STRN: variants seen among roughly 807,000 people sequenced by gnomAD.
STRN encodes striatin, also known as protein phosphatase 2 regulatory subunit B'''alpha.
Under a neutral mutation model 96.3 loss-of-function variants are expected in STRN, and 53 were observed. That is an observed-to-expected ratio of 0.55 (90% CI 0.44 to 0.69). The LOEUF (loss-of-function observed/expected upper bound fraction) is 0.69. STRN is among the 30% of genes least tolerant of loss of function. STRN has a pLI of 0.00. For missense variants in STRN, 987 were observed against 963.9 expected (o/e 1.02, Z -0.32); for synonymous variants, 428 against 355.9 (o/e 1.20, Z -2.28).
At chr2:36,855,084 C>G (rs1668310335) in intron 15 of STRN, 128 bp downstream of exon 15, 2 of 963,030 alleles carry the variant, frequency 2.1e-6, no homozygotes, top group Non-Finnish European at 3.0e-6. Flanking sequence ...TTCTAAGTAA[C>G]TGTGTTCTGA....
In STRN at chr2:36,840,938, GA is replaced by G. The variant is rs1667937090; in HGVS notation, c.*8517del. On this transcript the variant is annotated 3_prime_UTR_variant, in exon 18 of 18. Coordinates refer to ENST00000263918, the MANE Select transcript of STRN (RefSeq NM_003162.4). The stretch of plus-strand genomic sequence containing the variant: ...TCTTTGTATTCCAAAAATAATTTCT[GA>G]AAATCACAGGAAAGAAAACTTTTGT... 1 of 152,048 alleles carries G rather than the reference GA, an allele frequency of 6.6e-6. No individual in the cohort carries two copies. The allele number at this position is 152,048 out of a possible 1,614,324, so 9.4% of individuals were successfully genotyped here. A position where few individuals can be genotyped will look rare whatever the true frequency, so the allele number is the denominator to read the frequency against.
chr2:36,965,563 C>T (rs1665137518), intron 1 of STRN, among the ~76,000 whole-genome samples: 1 of 152,178 alleles, frequency 6.6e-6, no homozygotes, highest in East Asian at 1.9e-4. Flanking sequence ...CACCTCTTAA[C>T]CATTCTCTCT....
At chr2:36,902,891 T>C (rs1669726414) in intron 4 of STRN, 140 bp from the exon 5 acceptor site, 1 of 576,214 alleles carries the variant, frequency 1.7e-6, no homozygotes, top group African/African-American at 1.9e-5. Flanking sequence ...GACTTGTTAA[T>C]AAATAATCTT....
rs1444937149 is a variant in STRN at position 36,840,656 on chromosome 2, GCA to G, written c.*8798_*8799del. On this transcript the variant is annotated 3_prime_UTR_variant, in exon 18 of 18. Transcript: ENST00000263918. ...TACCTTTTATATGGCAAGGCACCAGGCACAGTGCTAAGAGGAACATAAGAAAA... is the reference window on the plus strand; with the variant it reads ...TACCTTTTATATGGCAAGGCACCAGGCAGTGCTAAGAGGAACATAAGAAAA... 6.6e-6 allele frequency: 1 copy of G among 151,910 alleles called. No individual in the cohort carries two copies. The highest frequency in any genetic ancestry group is 6.6e-5 in the Admixed American group (1 of 15,234). The allele number at this position is 151,910 out of a possible 1,614,324, so 9.4% of individuals were successfully genotyped here.
chr2:36,907,036 T>C (rs556891099), intron 3 of STRN, among the ~76,000 whole-genome samples: 111 of 152,100 alleles, frequency 7.3e-4, no homozygotes, highest in Non-Finnish European at 1.1e-3. Context: ...AAAACCAGAA[T>C]CCTTTTTAGA....
chr2:36,843,437 G>A lies in STRN; in HGVS notation c.*6019C>T, dbSNP rs988919006. Among the ~76,000 whole-genome samples the A allele has an allele frequency of 5.3e-5, 8 of 152,122 alleles. No homozygotes were observed. The highest frequency in any genetic ancestry group is 8.8e-5 in the Non-Finnish European group (6 of 68,010). On this transcript the variant is annotated 3_prime_UTR_variant, in exon 18 of 18. Transcript: ENST00000263918. Reference sequence around the variant, plus strand: ...AAATAAAAACATTGTATTTATATATGTGTATAAATTTTAAAAGCCATTTAA... The same window carrying A: ...AAATAAAAACATTGTATTTATATATATGTATAAATTTTAAAAGCCATTTAA...
intron 10 of STRN, among the ~76,000 whole-genome samples, chr2:36,870,296 G>A (rs1471204013): frequency 2.9e-4 from 40 of 138,964 alleles, no homozygotes; most frequent in African/African-American, 3.5e-4. Flanking sequence ...TCTCAAAAAT[G>A]AAAAAAAAAA....
intron 8 of STRN, 53 bp from the exon 9 acceptor site, chr2:36,884,128 T>C: frequency 1.5e-6 from 2 of 1,290,528 alleles, no homozygotes; most frequent in Non-Finnish European, 2.0e-6. Flanking sequence ...AAGAGAATTA[T>C]CCAATTGCAT....
At chr2:36,917,483 C>T (rs1670134864) in intron 2 of STRN, among the ~76,000 whole-genome samples, 1 of 146,280 alleles carries the variant, frequency 6.8e-6, no homozygotes, top group Non-Finnish European at 1.5e-5. Flanking sequence ...AAGATCATGC[C>T]ACTGCACTCC....
At chr2:36,917,568 T>C (rs1246586205) in intron 2 of STRN, among the ~76,000 whole-genome samples, 1 of 144,514 alleles carries the variant, frequency 6.9e-6, no homozygotes. Context: ...AAAAGAAAAG[T>C]AGAAAGGAAA....
intron 8 of STRN, among the ~76,000 whole-genome samples, chr2:36,885,676 C>T (rs560872096): frequency 6.6e-6 from 1 of 152,088 alleles, no homozygotes; most frequent in East Asian, 1.9e-4. Flanking sequence ...GGTTTAAATG[C>T]TTTTAAGTAA....
intron 12 of STRN, among the ~76,000 whole-genome samples, chr2:36,865,658 T>A (rs959325737): frequency 3.3e-5 from 5 of 151,882 alleles, no homozygotes; most frequent in African/African-American, 1.2e-4. Flanking sequence ...GCCTCCTGGG[T>A]TCAAGCAATT....
chr2:36,868,637 T>C (rs1287641641), intron 11 of STRN, among the ~76,000 whole-genome samples: 2 of 152,210 alleles, frequency 1.3e-5, no homozygotes, highest in Admixed American at 1.3e-4. Context: ...TGAAAGTCCA[T>C]CTGGTTTTAG....
At chr2:36,910,894 A>ACTCTCC (rs1669948778) in intron 3 of STRN, among the ~76,000 whole-genome samples, 1 of 152,158 alleles carries the variant, frequency 6.6e-6, no homozygotes, top group Non-Finnish European at 1.5e-5. Flanking sequence ...CTGAGATAAT[A>ACTCTCC]CTCTCCTACA....
At chr2:36,937,342 CAA>C (rs59891421) in intron 1 of STRN, among the ~76,000 whole-genome samples, 1,340 of 107,666 alleles carry the variant, frequency 0.012, 11 homozygotes, top group Middle Eastern at 0.017. Context: ...GAGACTGTCT[CAA>C]AAAAAAAAAA....
At chr2:36,850,702 C>T (rs537282861) in intron 16 of STRN, among the ~76,000 whole-genome samples, 1 of 152,224 alleles carries the variant, frequency 6.6e-6, no homozygotes, top group African/African-American at 2.4e-5. Context: ...AGCAACAGAT[C>T]ATTTTTATTT....
intron 3 of STRN, among the ~76,000 whole-genome samples, chr2:36,913,358 C>G (rs946320094): frequency 6.6e-6 from 1 of 152,174 alleles, no homozygotes; most frequent in African/African-American, 2.4e-5. Flanking sequence ...CCAGGTATCC[C>G]ATTTCTCAAA....
intron 6 of STRN, among the ~76,000 whole-genome samples, chr2:36,895,283 C>T (rs538127119): frequency 1.1e-4 from 16 of 150,914 alleles, no homozygotes; most frequent in South Asian, 2.1e-4. Flanking sequence ...GCCAAGATCG[C>T]GCCACTGCAC....
chr2:36,874,366 TA>T (rs1406726643), intron 10 of STRN, among the ~76,000 whole-genome samples: 1 of 149,290 alleles, frequency 6.7e-6, no homozygotes, highest in African/African-American at 2.5e-5. Context: ...AGATGAATCA[TA>T]AAAAAAATAA....
Sources: gnomAD v4.1 joint callset for allele counts (sites outside exome capture counted in the v4.1 genomes callset) on GRCh38, gnomAD v4.1.1 for gene constraint, MANE v1.5 for transcripts, NCBI Gene and HGNC (gene_info 2026-07-23, HGNC 2026-07-21) for gene names.